The following RPS6KA5 variants were observed in gnomAD, a reference collection of about 807,000 sequenced individuals.
The protein encoded by RPS6KA5 is ribosomal protein S6 kinase alpha-5.
Under a neutral mutation model 85.5 loss-of-function variants are expected in RPS6KA5, and 27 were observed. The ratio of observed to expected loss-of-function variants is 0.32; its 90% CI spans 0.23 to 0.44. The LOEUF is 0.44. RPS6KA5 is among the 20% of genes least tolerant of loss of function. The probability of loss-of-function intolerance (pLI) is 1.00; values close to 1 mark genes in which losing one functional copy is unlikely to be tolerated. For synonymous variants in RPS6KA5, 334 were observed against 348.2 expected (o/e 0.96, Z 0.46); for missense variants, 811 against 980.9 (o/e 0.83, Z 2.31).
intron 3 of RPS6KA5, among the ~76,000 whole-genome samples, chr14:90,976,466 A>C (rs1007631114): frequency 1.3e-5 from 2 of 152,132 alleles, no homozygotes; most frequent in Admixed American, 1.3e-4. Flanking sequence ...TGGTACCCTT[A>C]GGCCCAGATA....
At chr14:90,968,564 A>AT (rs142334633) in intron 3 of RPS6KA5, among the ~76,000 whole-genome samples, 2,838 of 152,282 alleles carry the variant, frequency 0.019, 34 homozygotes, top group Non-Finnish European at 0.025. Context: ...TACCTCCATG[A>AT]TAACACCATA....
chr14:91,006,848 C>T (rs892790451), intron 1 of RPS6KA5, among the ~76,000 whole-genome samples: 2 of 152,162 alleles, frequency 1.3e-5, no homozygotes, highest in Admixed American at 6.5e-5. Flanking sequence ...GGATTATGGG[C>T]ATGAGCCACC....
intron 10 of RPS6KA5, 65 bp from the exon 11 acceptor site, chr14:90,900,306 T>C: frequency 8.3e-7 from 1 of 1,202,364 alleles, no homozygotes; most frequent in Non-Finnish European, 1.1e-6. Context: ...ATCAATAAAA[T>C]TGTAGAGTAA....
chr14:90,905,262 G>T (rs996869885), intron 8 of RPS6KA5, among the ~76,000 whole-genome samples: 1 of 151,860 alleles, frequency 6.6e-6, no homozygotes, highest in Non-Finnish European at 1.5e-5. Flanking sequence ...TTAACTGACA[G>T]TTTTTCTTCA....
At chr14:90,896,005 C>T (rs528555274) in intron 12 of RPS6KA5, among the ~76,000 whole-genome samples, 1 of 152,364 alleles carries the variant, frequency 6.6e-6, no homozygotes, top group African/African-American at 2.4e-5. Context: ...AACATCACTT[C>T]ACAAACAAAA....
intron 8 of RPS6KA5, 91 bp from the exon 9 acceptor site, chr14:90,903,060 A>G (rs766721464): frequency 2.9e-6 from 3 of 1,048,078 alleles, no homozygotes; most frequent in Non-Finnish European, 4.2e-6. Context: ...TTTGACTGGT[A>G]GGGAGAGAGG....
At chr14:91,029,896 C>T (rs1480804214) in intron 1 of RPS6KA5, among the ~76,000 whole-genome samples, 1 of 151,908 alleles carries the variant, frequency 6.6e-6, no homozygotes, top group African/African-American at 2.4e-5. Context: ...ATTTCCATAC[C>T]CCCAAACATA....
chr14:91,016,013 G>C (rs532715682), intron 1 of RPS6KA5, among the ~76,000 whole-genome samples: 1 of 152,190 alleles, frequency 6.6e-6, no homozygotes, highest in Non-Finnish European at 1.5e-5. Flanking sequence ...GTCCAGGGGT[G>C]CTGTGGTGGG....
chr14:91,041,828 G>A (rs921133957), intron 1 of RPS6KA5, among the ~76,000 whole-genome samples: 2 of 152,198 alleles, frequency 1.3e-5, no homozygotes, highest in African/African-American at 4.8e-5. Context: ...TACTTCTGGT[G>A]TATAAAACGG....
chr14:90,879,417 A>C (rs1051789683), intron 14 of RPS6KA5, among the ~76,000 whole-genome samples: 34 of 152,244 alleles, frequency 2.2e-4, no homozygotes, highest in Non-Finnish European at 7.3e-5. Flanking sequence ...AACATGGCAG[A>C]CTCAGCAAAG....
At chr14:90,979,489 T>G (rs1417640795) in intron 2 of RPS6KA5, among the ~76,000 whole-genome samples, 1 of 152,216 alleles carries the variant, frequency 6.6e-6, no homozygotes, top group African/African-American at 2.4e-5. Flanking sequence ...TTGAGTTAGT[T>G]TGAATTCTGG....
intron 2 of RPS6KA5, among the ~76,000 whole-genome samples, chr14:90,988,816 AAAAT>A (rs59317657): frequency 6.6e-6 from 1 of 151,914 alleles, no homozygotes; most frequent in African/African-American, 2.4e-5. Context: ...CCATCTCAAA[AAAAT>A]AAATAAATAA....
chr14:90,852,083 CTTTTTTTTTTT>C lies in RPS6KA5; in HGVS notation c.*19980_*19990del, dbSNP rs35995184. ...TCGGTATCTTTTCTTTAAAAAATCACTTTTTTTTTTTTTTTTTTTTTTTTAAGACGGAGTCT... is the reference window on the plus strand; with the variant it reads ...TCGGTATCTTTTCTTTAAAAAATCACTTTTTTTTTTTTTAAGACGGAGTCT... On this transcript the variant is annotated 3_prime_UTR_variant, in exon 17 of 17. Transcript: ENST00000614987. 16 of 94,946 alleles carry C rather than the reference CTTTTTTTTTTT, an allele frequency of 1.7e-4. 1 individual carries two copies. The highest frequency in any genetic ancestry group is 3.0e-4 in the Non-Finnish European group (15 of 49,870). 5.9% of individuals were successfully genotyped at this position (94,946 alleles called of 1,614,324 possible).
At chr14:90,992,654 C>T (rs12586413) in intron 2 of RPS6KA5, among the ~76,000 whole-genome samples, 22,800 of 152,134 alleles carry the variant, frequency 0.15, 1,851 homozygotes, top group East Asian at 0.31. Context: ...AAATAATCCC[C>T]CTTTTCCTGT....
intron 16 of RPS6KA5, among the ~76,000 whole-genome samples, chr14:90,872,926 A>C (rs377128389): frequency 6.6e-6 from 1 of 152,240 alleles, no homozygotes; most frequent in East Asian, 1.9e-4. Flanking sequence ...TATGTCACTG[A>C]GAAGATTTGG....
In RPS6KA5 at chr14:90,902,995, G is replaced by C. The variant is rs1446083204; in HGVS notation, c.958-26C>G. The C allele has an allele frequency of 3.1e-6, 5 of 1,591,888 alleles. No individual in the cohort carries two copies. The Admixed American group carries it at 6.8e-5, about 22-fold the overall frequency. On this transcript the variant is annotated intron_variant, in intron 8 of 16. Transcript: ENST00000614987. ...CTAAAACAAAGAAAGTTGGTACAAA[G>C]TAGAAATCAATAGTCAAAATGTACT... is the stretch of plus-strand genomic sequence containing the variant.
Position 90,872,322 on chromosome 14 carries a change from C to T in RPS6KA5, c.2161G>A (p.Ala721Thr), listed in dbSNP as rs1566672020. 1 of 1,601,562 alleles carries T rather than the reference C, an allele frequency of 6.2e-7. No individual in the cohort carries two copies. Among genetic ancestry groups the T allele is most frequent in the East Asian group, 2.2e-5 (1 of 44,802 alleles). Residue 721 changes from alanine (A) to threonine (T), a missense_variant and splice_region_variant, in exon 17 of 17, where the codon GCC becomes ACC. Around this residue, in one of 3 missense-constraint regions of RPS6KA5, gnomAD observed 650 missense variants for 793.4 expected, o/e 0.82. Coordinates refer to ENST00000614987, the MANE Select transcript of RPS6KA5 (RefSeq NM_004755.4). ...CCCTCTCTCTTGTATTTGTTAAAGG[C>T]CTGGCGGGGGAAAAAAAGGGAACCC... ...VHTCVKATFH[A>T]FNKYKREGFC...
intron 15 of RPS6KA5, 102 bp from the exon 16 acceptor site, chr14:90,873,897 T>G: frequency 1.0e-6 from 1 of 998,136 alleles, no homozygotes; most frequent in Non-Finnish European, 1.5e-6. Context: ...ACATAATGGT[T>G]TCTATATAGC....
chr14:90,950,620 T>C (rs2140380202), intron 3 of RPS6KA5, among the ~76,000 whole-genome samples: 1 of 152,334 alleles, frequency 6.6e-6, no homozygotes, highest in African/African-American at 2.4e-5. Context: ...GCAAATACTG[T>C]TTTTCTACAT....
Sources: gnomAD v4.1 joint callset for allele counts (sites outside exome capture counted in the v4.1 genomes callset) on GRCh38, gnomAD v4.1.1 for gene constraint, gnomAD v4.1.1 regional missense constraint, MANE v1.5 for transcripts, NCBI Gene and HGNC (gene_info 2026-07-23, HGNC 2026-07-21) for gene names.